ATXN10: variants seen among roughly 807,000 people sequenced by gnomAD.
ATXN10 encodes the protein ataxin 10.
ATXN10 carries 28 observed loss-of-function variants against 52.9 expected under a neutral mutation model. The observed-to-expected ratio is 0.53, with a 90% CI of 0.39 to 0.73. ATXN10 has a LOEUF of 0.73. Ranked by LOEUF, ATXN10 falls within the 30% of genes least tolerant of loss-of-function variation. The pLI, the probability that ATXN10 is intolerant of heterozygous loss-of-function variation, is 0.00. For missense variants in ATXN10, 565 were observed against 577.0 expected (o/e 0.98, Z 0.21); for synonymous variants, 226 against 221.5 (o/e 1.02, Z -0.18).
chr22:45,698,180 G>C, intron 3 of ATXN10, among the ~76,000 whole-genome samples: 1 of 152,024 alleles, frequency 6.6e-6, no homozygotes, highest in Non-Finnish European at 1.5e-5. Context: ...GAATTGCTGG[G>C]TCATATGGTA....
chr22:45,700,269 T>A lies in ATXN10; in HGVS notation c.392-13T>A, dbSNP rs545336515. 7 of 1,553,756 alleles carry A rather than the reference T, an allele frequency of 4.5e-6. No individual in the cohort carries two copies. In the East Asian group the frequency reaches 1.6e-4, roughly 35 times the overall value. On this transcript the variant is annotated splice_polypyrimidine_tract_variant and intron_variant, in intron 3 of 11. Coordinates refer to ENST00000252934, the MANE Select transcript of ATXN10 (RefSeq NM_013236.4). ...CATTTATTTATTTATTTATAACTTTTATATATTCTTAGCTTTTCGCTGTGG... is the reference window on the plus strand; with the variant it reads ...CATTTATTTATTTATTTATAACTTTAATATATTCTTAGCTTTTCGCTGTGG...
At position 45,788,845 on chromosome 22, in the gene ATXN10, C is replaced by T. The variant is rs139058039; in HGVS notation, c.1174-18114C>T. Among the ~76,000 whole-genome samples, 12 of 152,062 alleles carry T rather than the reference C, an allele frequency of 7.9e-5. No homozygotes were observed. In the East Asian group the frequency reaches 2.1e-3, roughly 27 times the overall value. ...TTAATTTTTTGTAGAGATGAGGTCT[C>T]GCCGTGTTGTTCAGACTGGTCTCGA... is the stretch of plus-strand genomic sequence containing the variant. On this transcript the variant is annotated intron_variant, in intron 9 of 11. Coordinates refer to ENST00000252934, the MANE Select transcript of ATXN10 (RefSeq NM_013236.4).
At chr22:45,785,069 G>C (rs1012378059) in intron 9 of ATXN10, among the ~76,000 whole-genome samples, 3 of 152,206 alleles carry the variant, frequency 2.0e-5, no homozygotes, top group Non-Finnish European at 4.4e-5. Context: ...TCTAAATGTA[G>C]CTGTGCGTGT....
Position 45,843,733 on chromosome 22 carries a change from C to A in ATXN10, c.*62C>A. 2 of 1,514,646 alleles carry A rather than the reference C, an allele frequency of 1.3e-6. No individual in the cohort carries two copies. The highest frequency in any genetic ancestry group is 1.8e-6 in the Non-Finnish European group (2 of 1,093,818). 93.8% of individuals were successfully genotyped at this position (1,514,646 alleles called of 1,614,324 possible). A position where few individuals can be genotyped will look rare whatever the true frequency, so the allele number is the denominator to read the frequency against. ...GTTTCATGGATTTTTCATCTTCTAC[C>A]GTATGTGAAATTGCAAGTGTTTGAA... is the stretch of plus-strand genomic sequence containing the variant. On this transcript the variant is annotated 3_prime_UTR_variant, in exon 12 of 12. Coordinates refer to ENST00000252934, the MANE Select transcript of ATXN10 (RefSeq NM_013236.4). This position sits in a 1 kb window ranked among gnomAD's most constrained non-coding sequence, Gnocchi z 4.5.
chr22:45,729,206 T>C (rs1924990108), intron 6 of ATXN10, among the ~76,000 whole-genome samples: 1 of 152,218 alleles, frequency 6.6e-6, no homozygotes, highest in African/African-American at 2.4e-5. Context: ...ATTAAGCAAT[T>C]CTAGTTTCTG....
rs1601670556 is a variant in ATXN10, at chr22:45,825,340, T to A, written c.1238-17651T>A. On this transcript the variant is annotated intron_variant, in intron 10 of 11. Coordinates refer to ENST00000252934, the MANE Select transcript of ATXN10 (RefSeq NM_013236.4). This position sits in a 1 kb window ranked among gnomAD's most constrained non-coding sequence, Gnocchi z 4.5. ...CTCTTCCCTTTATTTTTCTTTTGCA[T>A]CTTTTGGGAACCAGGCATTAAATAC... is the stretch of plus-strand genomic sequence containing the variant. Among the ~76,000 whole-genome samples, 6 of 152,264 alleles carry A rather than the reference T, an allele frequency of 3.9e-5. 2 individuals are homozygous for A. The highest frequency in any genetic ancestry group is 3.9e-4 in the Admixed American group (6 of 15,302).
At position 45,733,286 on chromosome 22, in the gene ATXN10, A is replaced by G. The variant is rs1358205014; in HGVS notation, c.894+3696A>G. ...CTGTAGTACCTGTTATGCAGTAGGT[A>G]TTACATATTTAATTACATAATACAT... On this transcript the variant is annotated intron_variant, in intron 7 of 11. Transcript: ENST00000252934. The surrounding 1 kb of genome is among the most constrained non-coding windows in gnomAD (Gnocchi z 4.4). Among the ~76,000 whole-genome samples, 1 of 152,226 alleles carries G rather than the reference A, an allele frequency of 6.6e-6. No homozygotes were observed. Among genetic ancestry groups the G allele is most frequent in the Non-Finnish European group, 1.5e-5 (1 of 68,044 alleles).
At position 45,780,627 on chromosome 22, in the gene ATXN10, A is replaced by G. The variant is rs1182262343; in HGVS notation, c.1174-26332A>G. Among the ~76,000 whole-genome samples, 1 of 152,194 alleles carries G rather than the reference A, an allele frequency of 6.6e-6. No individual in the cohort carries two copies. The highest frequency in any genetic ancestry group is 1.5e-5 in the Non-Finnish European group (1 of 68,016). ...AGGTCAGATACTACATGTAACGTGA[A>G]CAGTGCTGGCCAATGCTTAGTACAT... is the stretch of plus-strand genomic sequence containing the variant. On this transcript the variant is annotated intron_variant, in intron 9 of 11. Transcript: ENST00000252934. The surrounding 1 kb of genome is among the most constrained non-coding windows in gnomAD (Gnocchi z 4.0).
intron 10 of ATXN10, among the ~76,000 whole-genome samples, chr22:45,836,613 C>G (rs1207916121): frequency 6.6e-6 from 1 of 152,184 alleles, no homozygotes; most frequent in African/African-American, 2.4e-5. Context: ...GAGGACTCCC[C>G]CCTGGGGATG....
rs539184749 is a variant in ATXN10, at chr22:45,712,800, G to A, written c.648-5613G>A. 5.9e-5 allele frequency among the ~76,000 whole-genome samples: 9 copies of A among 152,264 alleles called. No homozygotes were observed. Among genetic ancestry groups the A allele is most frequent in the African/African-American group, 1.9e-4 (8 of 41,560 alleles). Reference sequence around the variant, plus strand: ...TACTCACGTTTAACCCGTTGGAAATGTTATTTAACTCTTTTAACAGGAGAA... The same window carrying A: ...TACTCACGTTTAACCCGTTGGAAATATTATTTAACTCTTTTAACAGGAGAA... On this transcript the variant is annotated intron_variant, in intron 5 of 11. Coordinates refer to ENST00000252934, the MANE Select transcript of ATXN10 (RefSeq NM_013236.4). The surrounding 1 kb of genome is among the most constrained non-coding windows in gnomAD (Gnocchi z 4.6).
At chr22:45,791,489 C>A (rs1283843187) in intron 9 of ATXN10, among the ~76,000 whole-genome samples, 5 of 151,314 alleles carry the variant, frequency 3.3e-5, no homozygotes, top group African/African-American at 7.3e-5. Context: ...TTCTGATAAT[C>A]AAAAAAAATC....
intron 10 of ATXN10, among the ~76,000 whole-genome samples, chr22:45,821,926 G>A (rs1314228530): frequency 6.6e-6 from 1 of 152,202 alleles, no homozygotes; most frequent in Admixed American, 6.5e-5. Context: ...AGGTCGAGAG[G>A]CAAAAACACT....
At position 45,828,852 on chromosome 22, in the gene ATXN10, A is replaced by G. The variant is rs917054044; in HGVS notation, c.1238-14139A>G. Among the ~76,000 whole-genome samples the G allele has an allele frequency of 6.6e-6, 1 of 152,204 alleles. No homozygotes were observed. Among genetic ancestry groups the G allele is most frequent in the African/African-American group, 2.4e-5 (1 of 41,442 alleles). On this transcript the variant is annotated intron_variant, in intron 10 of 11. Coordinates refer to ENST00000252934, the MANE Select transcript of ATXN10 (RefSeq NM_013236.4). This position sits in a 1 kb window ranked among gnomAD's most constrained non-coding sequence, Gnocchi z 4.5. Reference sequence around the variant, plus strand: ...AACATTTCAAGGGGAACTAATACCAATCCTTCTCAAACTTTTCCAAAAAAA... The same window carrying G: ...AACATTTCAAGGGGAACTAATACCAGTCCTTCTCAAACTTTTCCAAAAAAA...
intron 9 of ATXN10, among the ~76,000 whole-genome samples, chr22:45,776,457 C>G (rs1327569144): frequency 6.6e-6 from 1 of 151,934 alleles, no homozygotes; most frequent in Non-Finnish European, 1.5e-5. Context: ...AAAGTTCACA[C>G]ACCCACAGCC....
At position 45,833,081 on chromosome 22, in the gene ATXN10, C is replaced by T. The variant is rs1423867763; in HGVS notation, c.1238-9910C>T. Among the ~76,000 whole-genome samples, 1 of 152,210 alleles carries T rather than the reference C, an allele frequency of 6.6e-6. No homozygotes were observed. The highest frequency in any genetic ancestry group is 2.4e-5 in the African/African-American group (1 of 41,452). On this transcript the variant is annotated intron_variant, in intron 10 of 11. Transcript: ENST00000252934. This position sits in a 1 kb window ranked among gnomAD's most constrained non-coding sequence, Gnocchi z 4.3. ...GATCTCCTTGTTGAAAGAAATCAAT[C>T]AGACTGCAGGTAACTCTTGAGTCAC...
intron 9 of ATXN10, among the ~76,000 whole-genome samples, chr22:45,752,315 T>G (rs966135061): frequency 6.6e-6 from 1 of 152,170 alleles, no homozygotes; most frequent in Non-Finnish European, 1.5e-5. Context: ...AACTATCATC[T>G]CAGTATCATA....
At chr22:45,799,404 A>G (rs12167785) in intron 9 of ATXN10, among the ~76,000 whole-genome samples, 1,718 of 152,262 alleles carry the variant, frequency 0.011, 40 homozygotes, top group African/African-American at 0.039. Flanking sequence ...GTCATTGCCA[A>G]TGTAATTACT....
At chr22:45,794,059 T>G (rs1927619039) in intron 9 of ATXN10, among the ~76,000 whole-genome samples, 1 of 152,230 alleles carries the variant, frequency 6.6e-6, no homozygotes, top group South Asian at 2.1e-4. Context: ...GTGGCAACTC[T>G]TAAGTCATCA....
Position 45,774,850 on chromosome 22 carries a change from T to C in ATXN10, c.1174-32109T>C, listed in dbSNP as rs1031713495. ...GGGGAGGCTGAGGCAGGAGAATCAC[T>C]TAAACCTGGGAGGTGGAGGTGGCAG... On this transcript the variant is annotated intron_variant, in intron 9 of 11. Transcript: ENST00000252934. This position sits in a 1 kb window ranked among gnomAD's most constrained non-coding sequence, Gnocchi z 6.2. Among the ~76,000 whole-genome samples, 2 of 152,136 alleles carry C rather than the reference T, an allele frequency of 1.3e-5. No homozygotes were observed. Among genetic ancestry groups the C allele is most frequent in the Non-Finnish European group, 1.5e-5 (1 of 68,024 alleles).
Sources: gnomAD v4.1 joint callset for allele counts (sites outside exome capture counted in the v4.1 genomes callset) on GRCh38, gnomAD v4.1.1 for gene constraint, Gnocchi (gnomAD v3.1) non-coding constraint, MANE v1.5 for transcripts, NCBI Gene and HGNC (gene_info 2026-07-23, HGNC 2026-07-21) for gene names.